The following KDELR2 variants were observed in gnomAD, a reference collection of about 807,000 sequenced individuals.
KDELR2 encodes the protein ER lumen protein-retaining receptor 2.
KDELR2 carries 15 observed loss-of-function variants against 23.9 expected under a neutral mutation model. The observed-to-expected ratio is 0.63, with a 90% CI of 0.42 to 0.97. The LOEUF (loss-of-function observed/expected upper bound fraction) is 0.97, where lower values mean the gene tolerates loss of function less well. Among genes scored for constraint, KDELR2 ranks in the 50% least tolerant of loss-of-function variants. The pLI is 0.00. For missense variants in KDELR2, 272 were observed against 254.6 expected, an observed-to-expected ratio of 1.07 and a Z score of -0.46; for synonymous variants, 119 against 106.2, an observed-to-expected ratio of 1.12 and a Z score of -0.74.
At chr7:6,483,182 GAATT>G (rs1217370605) in intron 1 of KDELR2, among the ~76,000 whole-genome samples, 1 of 152,152 alleles carries the variant, frequency 6.6e-6, no homozygotes, top group Non-Finnish European at 1.5e-5. Flanking sequence ...GTGGAGCAAC[GAATT>G]GCAGGAGCCC....
chr7:6,480,291 T>C (rs1362588941), intron 1 of KDELR2, among the ~76,000 whole-genome samples: 2 of 152,208 alleles, frequency 1.3e-5, no homozygotes, highest in Non-Finnish European at 2.9e-5. Flanking sequence ...TAGGAAGCCC[T>C]TCATCTAAAA....
In KDELR2 at chr7:6,463,015, T is replaced by C. The variant is rs780654020; in HGVS notation, c.*126A>G. ...TTCCTCTGCGTTTTTACAGAGCCAC[T>C]GATGACTATCTGCAACAAAAGAGTT... On this transcript the variant is annotated 3_prime_UTR_variant, in exon 5 of 5. Transcript: ENST00000258739. The C allele has an allele frequency of 1.9e-5, 30 of 1,614,090 alleles. No individual in the cohort carries two copies. The highest frequency in any genetic ancestry group is 8.5e-7 in the Non-Finnish European group (1 of 1,180,034).
At chr7:6,478,142 T>G (rs1269394207) in intron 1 of KDELR2, among the ~76,000 whole-genome samples, 1 of 151,716 alleles carries the variant, frequency 6.6e-6, no homozygotes, top group African/African-American at 2.4e-5. Flanking sequence ...TGTTCTTTTT[T>G]CTTTGCTTGC....
intron 2 of KDELR2, among the ~76,000 whole-genome samples, chr7:6,472,671 G>A (rs1462037131): frequency 1.3e-5 from 2 of 152,108 alleles, no homozygotes; most frequent in South Asian, 2.1e-4. Context: ...ATACTGCTTT[G>A]TCTCCTTTCA....
chr7:6,477,980 A>C (rs1039428234), intron 1 of KDELR2, among the ~76,000 whole-genome samples: 5 of 152,218 alleles, frequency 3.3e-5, no homozygotes, highest in African/African-American at 1.2e-4. Context: ...TAAAACACAT[A>C]AACCAAAAAT....
rs1562498468 is a variant in KDELR2 at position 6,466,093 on chromosome 7, G to T, written c.582C>A (p.Phe194Leu). The T allele has an allele frequency of 6.2e-7, 1 of 1,614,096 alleles. No homozygotes were observed. Among genetic ancestry groups the T allele is most frequent in the Non-Finnish European group, 8.5e-7 (1 of 1,180,024 alleles). Reference sequence around the variant, plus strand: ...TACCTTTTGTAATGTACAAGTAGAAGAAGTCACAGTATAGGATGGTCTGGA... The same window carrying T: ...TACCTTTTGTAATGTACAAGTAGAATAAGTCACAGTATAGGATGGTCTGGA... ...GVVQTILYCD[F>L]FYLYITKVLK... is the part of the protein sequence containing the mutation. Residue 194 changes from phenylalanine to leucine, a missense_variant, in exon 4 of 5, where the codon TTC becomes TTA. Physicochemically the swap from Phe to Leu is conservative, Grantham distance 22 (BLOSUM62 0). Transcript: ENST00000258739.
At chr7:6,474,875 T>TG (rs1343750333) in intron 1 of KDELR2, among the ~76,000 whole-genome samples, 4 of 152,306 alleles carry the variant, frequency 2.6e-5, no homozygotes, top group Middle Eastern at 3.4e-3. Context: ...ACACTGGTCT[T>TG]GAACTCCTGG....
In KDELR2 at chr7:6,466,200, G is replaced by A; in HGVS notation, c.475C>T (p.Arg159Cys). Residue 159 changes from arginine (R) to cysteine (C), a missense_variant, in exon 4 of 5, where the codon CGT becomes TGT. Physicochemically the swap from Arg to Cys is radical, Grantham distance 180 (BLOSUM62 -3). Coordinates refer to ENST00000258739, the MANE Select transcript of KDELR2 (RefSeq NM_006854.4). ...ATCCAGTTGACAAGATACAAAGCAC[G>A]ATAGAGGCCCAGGAAGAACAGGTAG... ...THYLFFLGLY[R>C]ALYLVNWIWR... 1 of 1,614,174 alleles carries A rather than the reference G, an allele frequency of 6.2e-7. No homozygotes were observed. The highest frequency in any genetic ancestry group is 8.5e-7 in the Non-Finnish European group (1 of 1,180,042).
At chr7:6,473,818 C>T (rs1168004903) in intron 2 of KDELR2, among the ~76,000 whole-genome samples, 1 of 152,174 alleles carries the variant, frequency 6.6e-6, no homozygotes, top group African/African-American at 2.4e-5. Flanking sequence ...TATGTACCAA[C>T]TTGCTGGATT....
chr7:6,467,220 C>T (rs569102797), intron 3 of KDELR2, among the ~76,000 whole-genome samples: 50 of 152,306 alleles, frequency 3.3e-4, no homozygotes, highest in South Asian at 1.5e-3. Context: ...CCCTGCTTTC[C>T]GCCAGGATTG....
Position 6,466,152 on chromosome 7 carries a change from A to G in KDELR2, c.523T>C (p.Phe175Leu), listed in dbSNP as rs917351931. The change falls in exon 4 of 5, where the codon TTC (phenylalanine) becomes CTC (leucine). Residue 175 changes from phenylalanine to leucine, a missense_variant. By Grantham distance (22) the Phe-to-Leu change is conservative (BLOSUM62 0). Coordinates refer to ENST00000258739, the MANE Select transcript of KDELR2 (RefSeq NM_006854.4). Reference sequence around the variant, plus strand: ...GCCACCACAGCAATGAGGTCAAAGAAGCCCTCAAAGTAGAAGCGCCAGATC... The same window carrying G: ...GCCACCACAGCAATGAGGTCAAAGAGGCCCTCAAAGTAGAAGCGCCAGATC... The part of the protein sequence containing the change: ...NWIWRFYFEG[F>L]FDLIAVVAGV... 3.7e-6 allele frequency: 6 copies of G among 1,614,170 alleles called. No individual in the cohort carries two copies. The South Asian group carries it at 5.5e-5, about 15-fold the overall frequency.
In KDELR2 at chr7:6,468,783, C is replaced by T. The variant is rs1165628363; in HGVS notation, c.351+813G>A. ...CCTCCCAAAGTGCTGGGATTACAGGCGTGAGCCACTGCGCATGGCCAGTTT... is the reference window on the plus strand; with the variant it reads ...CCTCCCAAAGTGCTGGGATTACAGGTGTGAGCCACTGCGCATGGCCAGTTT... On this transcript the variant is annotated intron_variant, in intron 3 of 4. Coordinates refer to ENST00000258739, the MANE Select transcript of KDELR2 (RefSeq NM_006854.4). Among the ~76,000 whole-genome samples, 14 of 152,036 alleles carry T rather than the reference C, an allele frequency of 9.2e-5. 1 individual carries two copies. The highest frequency in any genetic ancestry group is 6.2e-4 in the South Asian group (3 of 4,810).
At chr7:6,471,593 T>A (rs1182701491) in intron 2 of KDELR2, among the ~76,000 whole-genome samples, 1 of 152,204 alleles carries the variant, frequency 6.6e-6, no homozygotes, top group Non-Finnish European at 1.5e-5. Flanking sequence ...CTTCAGTGTA[T>A]GTTGTTTCAC....
At chr7:6,472,600 T>C (rs1449371832) in intron 2 of KDELR2, among the ~76,000 whole-genome samples, 1 of 152,194 alleles carries the variant, frequency 6.6e-6, no homozygotes, top group Admixed American at 6.5e-5. Flanking sequence ...TCCCATCATT[T>C]GGTAATGAAG....
In KDELR2 at chr7:6,469,728, G is replaced by A. The variant is rs1583317303; in HGVS notation, c.219C>T (p.Ala73=). The A allele has an allele frequency of 1.2e-6, 2 of 1,613,912 alleles. No homozygotes were observed. The highest frequency in any genetic ancestry group is 1.7e-6 in the Non-Finnish European group (2 of 1,179,880). ...MKVIYLACSY[A]TVYLIYLKFK... is the part of the protein sequence containing the mutation. ...ATTTCAGGTAGATCAGGTACACTGT[G>A]GCATAGGAGCAGGCAAGGTAGATAA... is the stretch of plus-strand genomic sequence containing the variant. The change falls in exon 3 of 5, where the codon GCC becomes GCT. Residue 73 remains alanine (A), a synonymous_variant. Coordinates refer to ENST00000258739, the MANE Select transcript of KDELR2 (RefSeq NM_006854.4).
At chr7:6,465,947 C>T in intron 4 of KDELR2, 124 bp downstream of exon 4, 1 of 973,194 alleles carries the variant, frequency 1.0e-6, no homozygotes, top group East Asian at 2.4e-5. Flanking sequence ...TGTTATTGGC[C>T]AATCATGAAA....
intron 3 of KDELR2, among the ~76,000 whole-genome samples, chr7:6,466,734 C>T (rs1399801467): frequency 6.6e-6 from 1 of 151,488 alleles, no homozygotes; most frequent in African/African-American, 2.4e-5. Context: ...AGTGACAGAT[C>T]ATCAGGCATT....
In KDELR2 at chr7:6,461,805, A is replaced by G. The variant is rs1785394295; in HGVS notation, c.*1336T>C. On this transcript the variant is annotated 3_prime_UTR_variant, in exon 5 of 5. Coordinates refer to ENST00000258739, the MANE Select transcript of KDELR2 (RefSeq NM_006854.4). Reference sequence around the variant, plus strand: ...ATTTATGGTGTATCACATAAAAAACAAAGTCATATACTTTTGCATTAATCA... The same window carrying G: ...ATTTATGGTGTATCACATAAAAAACGAAGTCATATACTTTTGCATTAATCA... 6.6e-6 allele frequency: 1 copy of G among 152,098 alleles called. No individual in the cohort carries two copies. The allele number at this position is 152,098 out of a possible 1,614,324, so 9.4% of individuals were successfully genotyped here. A position where few individuals can be genotyped will look rare whatever the true frequency, so the allele number is the denominator to read the frequency against.
intron 2 of KDELR2, among the ~76,000 whole-genome samples, chr7:6,470,581 T>C (rs1174191968): frequency 6.6e-6 from 1 of 152,180 alleles, no homozygotes; most frequent in Non-Finnish European, 1.5e-5. Flanking sequence ...TAAAGTAGTA[T>C]ACAATAATTA....
Sources: gnomAD v4.1 joint callset for allele counts (sites outside exome capture counted in the v4.1 genomes callset) on GRCh38, gnomAD v4.1.1 for gene constraint, MANE v1.5 for transcripts, NCBI Gene and HGNC (gene_info 2026-07-23, HGNC 2026-07-21) for gene names.